The following GSK3B variants were observed in gnomAD, a reference collection of about 807,000 sequenced individuals.
GSK3B encodes the protein glycogen synthase kinase-3 beta.
In GSK3B, 15 loss-of-function variants were observed where a neutral mutation model predicts 56.4. That is an observed-to-expected ratio of 0.27 (90% CI 0.18 to 0.41). GSK3B has a LOEUF of 0.41. GSK3B is among the 10% of genes least tolerant of loss of function. GSK3B has a pLI of 1.00. For missense variants in GSK3B, 300 were observed against 513.4 expected (o/e 0.58, Z 4.02); for synonymous variants, 181 against 188.9 (o/e 0.96, Z 0.34).
At chr3:119,915,679 A>C (rs577045469) in intron 5 of GSK3B, among the ~76,000 whole-genome samples, 71 of 152,136 alleles carry the variant, frequency 4.7e-4, no homozygotes, top group Admixed American at 3.5e-3. Context: ...GTTCACAGAG[A>C]GTTGCCTCAT....
chr3:119,878,532 C>A (rs2056340690), intron 7 of GSK3B, among the ~76,000 whole-genome samples: 1 of 152,016 alleles, frequency 6.6e-6, no homozygotes, highest in African/African-American at 2.4e-5. Context: ...GTATATAGCA[C>A]CTTGGAAAAC....
chr3:120,082,326 C>G (rs1317577159), intron 1 of GSK3B, among the ~76,000 whole-genome samples: 1 of 151,278 alleles, frequency 6.6e-6, no homozygotes, highest in Non-Finnish European at 1.5e-5. Context: ...AATACAATAA[C>G]CACTAGCAAC....
intron 2 of GSK3B, among the ~76,000 whole-genome samples, chr3:119,976,804 A>C (rs2057413415): frequency 6.6e-6 from 1 of 151,808 alleles, no homozygotes; most frequent in Admixed American, 6.6e-5. Flanking sequence ...TTTTAGTGAA[A>C]CTAGTCAAAA....
chr3:119,972,275 T>C (rs1215327815), intron 2 of GSK3B, among the ~76,000 whole-genome samples: 1 of 152,110 alleles, frequency 6.6e-6, no homozygotes, highest in East Asian at 1.9e-4. Context: ...ATAAATGAGA[T>C]TCAAATAAGG....
chr3:119,987,658 TA>T (rs147290663), intron 2 of GSK3B, among the ~76,000 whole-genome samples: 1 of 151,990 alleles, frequency 6.6e-6, no homozygotes, highest in Non-Finnish European at 1.5e-5. Context: ...TATAAAGCAT[TA>T]AAAAAAGTCT....
chr3:119,993,643 A>T lies in GSK3B; in HGVS notation c.282+8403T>A, dbSNP rs539052297. Among the ~76,000 whole-genome samples, 6 of 152,346 alleles carry T rather than the reference A, an allele frequency of 3.9e-5. No individual in the cohort carries two copies. In the East Asian group the frequency reaches 1.2e-3, roughly 29 times the overall value. ...GCAAATAAGTAAATATATTGTGGAT[A>T]ACAGCAGCTAGGTTTTCTCAGTTCA... is the stretch of plus-strand genomic sequence containing the variant. On this transcript the variant is annotated intron_variant, in intron 2 of 10. Coordinates refer to ENST00000264235, the MANE Select transcript of GSK3B (RefSeq NM_001146156.2).
intron 3 of GSK3B, among the ~76,000 whole-genome samples, chr3:119,930,608 C>T (rs943674171): frequency 6.6e-6 from 1 of 152,104 alleles, no homozygotes; most frequent in Non-Finnish European, 1.5e-5. Flanking sequence ...TTAACAAAGG[C>T]CCTATGACTA....
At chr3:119,925,314 C>A (rs755672581) in intron 3 of GSK3B, among the ~76,000 whole-genome samples, 1 of 152,146 alleles carries the variant, frequency 6.6e-6, no homozygotes, top group Non-Finnish European at 1.5e-5. Flanking sequence ...GGTGACAGAG[C>A]CACACCTTGT....
At chr3:119,845,060 C>T (rs2055836463) in intron 9 of GSK3B, among the ~76,000 whole-genome samples, 1 of 152,184 alleles carries the variant, frequency 6.6e-6, no homozygotes, top group Non-Finnish European at 1.5e-5. Context: ...ATGACAAAAA[C>T]CACATGATTA....
chr3:120,057,998 T>A (rs928838180), intron 1 of GSK3B, among the ~76,000 whole-genome samples: 1 of 152,126 alleles, frequency 6.6e-6, no homozygotes, highest in Non-Finnish European at 1.5e-5. Context: ...TATATTTTCT[T>A]CTTTCTCTTT....
At chr3:119,858,873 C>A (rs998311112) in intron 9 of GSK3B, among the ~76,000 whole-genome samples, 2 of 151,952 alleles carry the variant, frequency 1.3e-5, no homozygotes, top group Admixed American at 1.3e-4. Flanking sequence ...ATAGGAAGAT[C>A]CAAGAAGAGG....
chr3:119,980,292 T>C (rs908550269), intron 2 of GSK3B, among the ~76,000 whole-genome samples: 2 of 152,204 alleles, frequency 1.3e-5, no homozygotes, highest in African/African-American at 4.8e-5. Flanking sequence ...TACTGTAAGG[T>C]GTCAACATTT....
intron 1 of GSK3B, among the ~76,000 whole-genome samples, chr3:120,060,734 A>C (rs2058229140): frequency 6.6e-6 from 1 of 152,142 alleles, no homozygotes; most frequent in South Asian, 2.1e-4. Flanking sequence ...TCAAAAAAAC[A>C]AAAAAGAGAA....
chr3:119,852,458 C>T (rs1325364472), intron 9 of GSK3B, among the ~76,000 whole-genome samples: 1 of 151,972 alleles, frequency 6.6e-6, no homozygotes, highest in Non-Finnish European at 1.5e-5. Context: ...AGGCGATTCT[C>T]CTGCCTCAGC....
chr3:119,881,145 C>T (rs1023784573), intron 7 of GSK3B, among the ~76,000 whole-genome samples: 1 of 152,088 alleles, frequency 6.6e-6, no homozygotes, highest in African/African-American at 2.4e-5. Flanking sequence ...GATGACTAAA[C>T]CAGAGCTACA....
At chr3:119,996,740 G>C (rs1323547732) in intron 2 of GSK3B, among the ~76,000 whole-genome samples, 2 of 151,698 alleles carry the variant, frequency 1.3e-5, no homozygotes, top group Non-Finnish European at 2.9e-5. Flanking sequence ...TCTTTCTTTA[G>C]AACCTTCTTA....
intron 9 of GSK3B, among the ~76,000 whole-genome samples, chr3:119,862,744 C>T (rs576753918): frequency 8.5e-4 from 121 of 143,066 alleles, no homozygotes; most frequent in African/African-American, 2.5e-3. Context: ...TCAGCAGAGG[C>T]GGTGTGACTG....
chr3:119,833,825 G>A (rs963238858), intron 10 of GSK3B, among the ~76,000 whole-genome samples: 3 of 151,182 alleles, frequency 2.0e-5, no homozygotes, highest in African/African-American at 7.3e-5. Context: ...CGAGTAGCTG[G>A]GATTAAACAG....
rs191945390 is a variant in GSK3B, at chr3:120,082,541, G to A, written c.88+10806C>T. Among the ~76,000 whole-genome samples the A allele has an allele frequency of 6.8e-4, 103 of 151,822 alleles. 2 individuals are homozygous for A. In the East Asian group the frequency reaches 0.017, roughly 25 times the overall value. On this transcript the variant is annotated intron_variant, in intron 1 of 10. Transcript: ENST00000264235. ...CTCCCAAGTAGCTGGGATTATAGGC[G>A]TCTGCCACCACGCCCAGCTAATTTT...
Sources: gnomAD v4.1 joint callset for allele counts (sites outside exome capture counted in the v4.1 genomes callset) on GRCh38, gnomAD v4.1.1 for gene constraint, MANE v1.5 for transcripts, NCBI Gene and HGNC (gene_info 2026-07-23, HGNC 2026-07-21) for gene names.